Variants in MAP4 observed in about 807,000 individuals in gnomAD.
MAP4 encodes the protein microtubule-associated protein 4.
In MAP4, 76 loss-of-function variants were observed where a neutral mutation model predicts 170.2. The ratio of observed to expected loss-of-function variants is 0.45; its 90% CI spans 0.37 to 0.54. The LOEUF (loss-of-function observed/expected upper bound fraction) is 0.54, where lower values mean the gene tolerates loss of function less well. Among genes scored for constraint, MAP4 ranks in the 20% least tolerant of loss-of-function variants. The probability of loss-of-function intolerance (pLI) is 0.00; values close to 1 mark genes in which losing one functional copy is unlikely to be tolerated. For missense variants in MAP4, 2,506 were observed against 2,748.0 expected (o/e 0.91, Z 1.97); for synonymous variants, 909 against 994.5 (o/e 0.91, Z 1.62).
At chr3:47,918,214 C>CCAG (rs1357975369) in intron 6 of MAP4, among the ~76,000 whole-genome samples, 1 of 151,072 alleles carries the variant, frequency 6.6e-6, no homozygotes, top group African/African-American at 2.4e-5. Context: ...GAACTCCTGA[C>CCAG]CTCAGGTGAT....
intron 1 of MAP4, among the ~76,000 whole-genome samples, chr3:48,027,200 TG>T (rs2100113550): frequency 6.6e-6 from 1 of 152,192 alleles, no homozygotes; most frequent in Non-Finnish European, 1.5e-5. Context: ...AGTAAATACA[TG>T]TATGAACATG....
chr3:47,992,008 C>T (rs181856444), intron 2 of MAP4, among the ~76,000 whole-genome samples: 1 of 151,744 alleles, frequency 6.6e-6, no homozygotes, highest in Non-Finnish European at 1.5e-5. Context: ...TGTCAGCAAT[C>T]AGCAGTAGTT....
chr3:48,074,734 G>T (rs527430222), intron 1 of MAP4, among the ~76,000 whole-genome samples: 5 of 141,440 alleles, frequency 3.5e-5, no homozygotes, highest in Admixed American at 1.5e-4. Flanking sequence ...GTGATATGTC[G>T]GCCAGACTGG....
intron 17 of MAP4, among the ~76,000 whole-genome samples, chr3:47,864,225 G>A (rs753034615): frequency 3.9e-5 from 6 of 152,176 alleles, no homozygotes; most frequent in Non-Finnish European, 7.3e-5. Flanking sequence ...CAGGGCCACT[G>A]TACCTGGCCT....
At position 47,928,317 on chromosome 3, in the gene MAP4, G is replaced by A. The variant is rs748901526; in HGVS notation, c.326C>T (p.Ala109Val). 9.3e-6 allele frequency: 15 copies of A among 1,613,978 alleles called. No homozygotes were observed. The South Asian group carries it at 1.5e-4, about 17-fold the overall frequency. Residue 109 changes from alanine to valine, a missense_variant, in exon 4 of 21, where the codon GCC becomes GTC. Ala to Val is a moderately conservative substitution (Grantham distance 64). This residue lies in a region of MAP4 where 2,008 missense variants were observed against 2,206.0 expected (regional missense o/e 0.91). Transcript: ENST00000683076. ...CTGGCTATTTGGGTATTCCTGGTAG[G>A]CCATTTTCTCTTCAAGGAATTCAGT... is the stretch of plus-strand genomic sequence containing the variant. The part of the protein sequence containing the change: ...SPTEFLEEKM[A>V]YQEYPNSQNW...
At chr3:47,986,124 A>G (rs924312386) in intron 2 of MAP4, among the ~76,000 whole-genome samples, 25 of 152,326 alleles carry the variant, frequency 1.6e-4, no homozygotes, top group African/African-American at 5.5e-4. Context: ...GAAGTTTAAC[A>G]AAGTCATTTG....
chr3:47,895,943 G>A (rs952820280), intron 10 of MAP4, among the ~76,000 whole-genome samples: 1 of 152,012 alleles, frequency 6.6e-6, no homozygotes, highest in Non-Finnish European at 1.5e-5. Context: ...CTAGCAACTG[G>A]GCCAAGCACT....
At chr3:48,025,933 T>TAATAATAATAAC (rs950002429) in intron 1 of MAP4, among the ~76,000 whole-genome samples, 3 of 147,998 alleles carry the variant, frequency 2.0e-5, no homozygotes, top group Non-Finnish European at 3.0e-5. Context: ...ATAATAATAA[T>TAATAATAATAAC]AATAACAATA....
chr3:47,897,242 T>G (rs1490408620), intron 10 of MAP4, among the ~76,000 whole-genome samples: 1 of 152,118 alleles, frequency 6.6e-6, no homozygotes, highest in Non-Finnish European at 1.5e-5. Context: ...TTCTCCTGCC[T>G]CAGCTTCCGG....
chr3:47,862,707 G>A (rs562753147), intron 17 of MAP4, among the ~76,000 whole-genome samples: 6 of 152,276 alleles, frequency 3.9e-5, no homozygotes, highest in Admixed American at 3.9e-4. Flanking sequence ...TCGATCTCCT[G>A]ACCTCATGAT....
intron 3 of MAP4, among the ~76,000 whole-genome samples, chr3:47,954,305 C>T (rs1164798265): frequency 1.3e-5 from 2 of 152,104 alleles, no homozygotes; most frequent in East Asian, 3.9e-4. Flanking sequence ...GGCCAAGTAG[C>T]AGCATGTAAT....
chr3:47,880,197 C>G, intron 10 of MAP4, among the ~76,000 whole-genome samples: 1 of 151,544 alleles, frequency 6.6e-6, no homozygotes. Context: ...CGCCTCCTGC[C>G]ATTCTCCTGC....
chr3:47,855,180 G>T lies in MAP4; in HGVS notation c.6696+68C>A. On this transcript the variant is annotated intron_variant, in intron 19 of 20. Transcript: ENST00000683076. The surrounding 1 kb of genome is among the most constrained non-coding windows in gnomAD (Gnocchi z 5.1). ...GCGGTGACAGGTGCCTACCTGTGAG[G>T]ACCCTGACCCTAACTGCATAGTTCC... 9.2e-7 allele frequency: 1 copy of T among 1,083,554 alleles called. No homozygotes were observed. Among genetic ancestry groups the T allele is most frequent in the Non-Finnish European group, 1.4e-6 (1 of 701,906 alleles). The allele number at this position is 1,083,554 out of a possible 1,614,324, so 67.1% of individuals were successfully genotyped here.
chr3:47,885,131 A>C (rs569562031), intron 10 of MAP4, among the ~76,000 whole-genome samples: 19 of 152,042 alleles, frequency 1.2e-4, no homozygotes, highest in African/African-American at 3.9e-4. Context: ...GATTTTCTCT[A>C]TTTGTTTTCT....
At chr3:48,009,871 CAAT>C (rs1451374148) in intron 1 of MAP4, among the ~76,000 whole-genome samples, 2 of 152,128 alleles carry the variant, frequency 1.3e-5, no homozygotes, top group Non-Finnish European at 2.9e-5. Flanking sequence ...GGAGACACAA[CAAT>C]GATTCCATTA....
At chr3:48,027,204 T>G (rs957559298) in intron 1 of MAP4, among the ~76,000 whole-genome samples, 2 of 152,212 alleles carry the variant, frequency 1.3e-5, no homozygotes, top group Non-Finnish European at 2.9e-5. Flanking sequence ...AATACATGTA[T>G]GAACATGTAA....
intron 7 of MAP4, 133 bp downstream of exon 7, chr3:47,915,818 G>T: frequency 2.1e-6 from 2 of 944,908 alleles, no homozygotes; most frequent in Non-Finnish European, 3.1e-6. Context: ...TTGTCTAGGA[G>T]AGCAGGAGTA....
At chr3:47,894,406 C>A (rs756184803) in intron 10 of MAP4, among the ~76,000 whole-genome samples, 31 of 151,908 alleles carry the variant, frequency 2.0e-4, no homozygotes, top group Admixed American at 4.6e-4. Flanking sequence ...CATGGTGAAA[C>A]CCTGTCTCTA....
At chr3:48,018,035 C>T (rs747163928), upstream of MAP4, among the ~76,000 whole-genome samples, 10 of 152,182 alleles carry the variant, frequency 6.6e-5, no homozygotes, top group South Asian at 2.1e-4. Context: ...ATAGGGTTTG[C>T]GCTCCTATGA....
Sources: allele counts gnomAD v4.1 joint callset (sites outside exome capture counted in the v4.1 genomes callset), GRCh38; gene constraint gnomAD v4.1.1; regional missense constraint gnomAD v4.1.1; non-coding constraint Gnocchi (gnomAD v3.1); transcripts MANE v1.5; gene names NCBI Gene and HGNC (gene_info 2026-07-23, HGNC 2026-07-21).